The following GREB1L variants were observed in gnomAD, a reference collection of about 807,000 sequenced individuals.
GREB1L encodes GREB1-like protein.
GREB1L carries 17 observed loss-of-function variants against 200.8 expected under a neutral mutation model. The observed-to-expected ratio is 0.08, with a 90% CI of 0.06 to 0.13. GREB1L has a LOEUF of 0.13. GREB1L is among the 10% of genes least tolerant of loss of function. The probability of loss-of-function intolerance (pLI) is 1.00; values close to 1 mark genes in which losing one functional copy is unlikely to be tolerated. For synonymous variants in GREB1L, 789 were observed against 893.0 expected (o/e 0.88, Z 2.08); for missense variants, 1,657 against 2,367.7 (o/e 0.70, Z 6.23).
chr18:21,452,206 C>T lies in GREB1L; in HGVS notation c.1973C>T (p.Thr658Ile). The change falls in exon 14 of 33, where the codon ACA (threonine) becomes ATA (isoleucine). Residue 658 changes from threonine (T) to isoleucine (I), a missense_variant. Transcript: ENST00000424526. The part of the protein sequence containing the change: ...SPQEAAAMIP[T>I]QNLDLDNETF... ...CAGGAGGCTGCTGCTATGATTCCCA[C>T]ACAAAACCTGGGTAATGTCATCTCA... 6.4e-7 allele frequency: 1 copy of T among 1,551,496 alleles called. No individual in the cohort carries two copies. Among genetic ancestry groups the T allele is most frequent in the African/African-American group, 1.4e-5 (1 of 73,146 alleles).
intron 7 of GREB1L, among the ~76,000 whole-genome samples, chr18:21,405,319 C>A (rs191909107): frequency 1.9e-4 from 29 of 152,256 alleles, no homozygotes; most frequent in Non-Finnish European, 3.2e-4. Context: ...CTTAGAATAT[C>A]ATTTATGTAA....
At chr18:21,454,968 G>C (rs1046648400) in intron 15 of GREB1L, 1 of 232,970 alleles carries the variant, frequency 4.3e-6, no homozygotes, top group African/African-American at 2.3e-5. Flanking sequence ...CACATTAACA[G>C]CACGTCTGGG....
intron 7 of GREB1L, among the ~76,000 whole-genome samples, chr18:21,432,635 T>C (rs1402065668): frequency 1.3e-5 from 2 of 151,764 alleles, no homozygotes; most frequent in African/African-American, 4.8e-5. Context: ...TCGTATTTGT[T>C]CAGGTGTATA....
intron 13 of GREB1L, chr18:21,451,478 CTTTTTTTTTTTTTTTTT>C: frequency 1.4e-5 from 1 of 69,702 alleles, no homozygotes; most frequent in Non-Finnish European, 3.4e-5. Flanking sequence ...TCCTTCCTTC[CTTTTTTTTTTTTTTTTT>C]TTTTTTTTTT....
intron 1 of GREB1L, among the ~76,000 whole-genome samples, chr18:21,260,318 C>T (rs2037869261): frequency 6.6e-6 from 1 of 151,740 alleles, no homozygotes; most frequent in Non-Finnish European, 1.5e-5. Flanking sequence ...AAATACATTT[C>T]CTTTTAATTG....
At chr18:21,311,175 A>G (rs1484153946) in intron 1 of GREB1L, among the ~76,000 whole-genome samples, 4 of 152,226 alleles carry the variant, frequency 2.6e-5, no homozygotes, top group Admixed American at 2.0e-4. Flanking sequence ...GAATCAAGAC[A>G]CTTTGAAAGA....
chr18:21,370,257 A>T (rs1161662215), intron 2 of GREB1L, among the ~76,000 whole-genome samples: 1 of 152,168 alleles, frequency 6.6e-6, no homozygotes. Flanking sequence ...CTTTAAACAA[A>T]TTATATGTCC....
chr18:21,451,503 T>TACAG, intron 13 of GREB1L: 2 of 172,378 alleles, frequency 1.2e-5, no homozygotes, highest in East Asian at 3.3e-4. Flanking sequence ...TTTTTTTTTT[T>TACAG]TTTTTACAGT....
At chr18:21,321,045 G>T (rs1287377952) in intron 1 of GREB1L, among the ~76,000 whole-genome samples, 15 of 152,168 alleles carry the variant, frequency 9.9e-5, no homozygotes, top group East Asian at 1.9e-4. Flanking sequence ...TGTAATTCCA[G>T]CACTTTGGGA....
intron 7 of GREB1L, among the ~76,000 whole-genome samples, chr18:21,406,277 C>T (rs28398775): frequency 0.012 from 1,797 of 152,174 alleles, 40 homozygotes; most frequent in African/African-American, 0.041. Flanking sequence ...CCCCAGTTGC[C>T]ATCATGAGAC....
chr18:21,436,274 T>C (rs1192061123), intron 7 of GREB1L, among the ~76,000 whole-genome samples: 2 of 152,132 alleles, frequency 1.3e-5, no homozygotes, highest in African/African-American at 4.8e-5. Context: ...GCCACCAACA[T>C]ATAGTTAAAG....
At chr18:21,489,450 G>A (rs920908558) in intron 18 of GREB1L, among the ~76,000 whole-genome samples, 4 of 152,112 alleles carry the variant, frequency 2.6e-5, no homozygotes, top group East Asian at 1.9e-4. Context: ...TCTAATACTC[G>A]ACAGATATTA....
At chr18:21,486,934 A>G (rs2036150545) in intron 18 of GREB1L, among the ~76,000 whole-genome samples, 1 of 152,246 alleles carries the variant, frequency 6.6e-6, no homozygotes, top group Non-Finnish European at 1.5e-5. Context: ...CTAAGAAAAA[A>G]GAAAAGGAAA....
chr18:21,432,623 C>G (rs1276367121), intron 7 of GREB1L, among the ~76,000 whole-genome samples: 2 of 129,264 alleles, frequency 1.5e-5, no homozygotes, highest in South Asian at 4.7e-4. Context: ...CATGGTATGT[C>G]TTCGTATTTG....
At chr18:21,466,113 T>A (rs1445293781) in intron 15 of GREB1L, among the ~76,000 whole-genome samples, 1 of 152,188 alleles carries the variant, frequency 6.6e-6, no homozygotes, top group East Asian at 1.9e-4. Context: ...CTGCTGTTGT[T>A]TGTAGCTGTA....
At chr18:21,402,538 T>C (rs562851568) in intron 6 of GREB1L, among the ~76,000 whole-genome samples, 43 of 151,692 alleles carry the variant, frequency 2.8e-4, no homozygotes, top group Non-Finnish European at 5.9e-4. Context: ...CTTTCCTTTC[T>C]TTTCTTTTCT....
intron 1 of GREB1L, among the ~76,000 whole-genome samples, chr18:21,267,797 C>T (rs2037995946): frequency 6.6e-6 from 1 of 151,386 alleles, no homozygotes; most frequent in African/African-American, 2.4e-5. Flanking sequence ...GCCAGTCCCA[C>T]CCCAAGCTTT....
intron 1 of GREB1L, among the ~76,000 whole-genome samples, chr18:21,353,005 C>A (rs1191364948): frequency 6.6e-6 from 1 of 151,806 alleles, no homozygotes; most frequent in Non-Finnish European, 1.5e-5. Flanking sequence ...CACGGTGAAA[C>A]CCCGTCTCTA....
intron 7 of GREB1L, among the ~76,000 whole-genome samples, chr18:21,434,677 C>A (rs2033426293): frequency 6.6e-6 from 1 of 151,508 alleles, no homozygotes; most frequent in Non-Finnish European, 1.5e-5. Context: ...GTAATACTTA[C>A]CTCACAACAC....
Sources: gnomAD v4.1 joint callset for allele counts (sites outside exome capture counted in the v4.1 genomes callset) on GRCh38, gnomAD v4.1.1 for gene constraint, MANE v1.5 for transcripts, NCBI Gene and HGNC (gene_info 2026-07-23, HGNC 2026-07-21) for gene names.